WDFY1: variants seen among roughly 807,000 people sequenced by gnomAD.
The protein encoded by WDFY1 is WD repeat and FYVE domain-containing protein 1.
In WDFY1, 32 loss-of-function variants were observed where a neutral mutation model predicts 56.4. That is an observed-to-expected ratio of 0.57 (90% CI 0.43 to 0.76). The LOEUF (loss-of-function observed/expected upper bound fraction) is 0.76. Among genes scored for constraint, WDFY1 ranks in the 30% least tolerant of loss-of-function variants. WDFY1 has a pLI of 0.00. For synonymous variants in WDFY1, 192 were observed against 197.3 expected (o/e 0.97, Z 0.23); for missense variants, 480 against 545.7 (o/e 0.88, Z 1.20).
chr2:223,895,500 G>T lies in WDFY1; in HGVS notation c.725+4C>A. On this transcript the variant is annotated splice_donor_region_variant and intron_variant, in intron 7 of 11. Coordinates refer to ENST00000233055, the MANE Select transcript of WDFY1 (RefSeq NM_020830.5). ...TTTCCCCACCCCCACAAGTGGTCAC[G>T]CACTGATGGCCCTGAAGTAACAGCG... 2 of 1,613,734 alleles carry T rather than the reference G, an allele frequency of 1.2e-6. No homozygotes were observed. The highest frequency in any genetic ancestry group is 1.7e-6 in the Non-Finnish European group (2 of 1,179,790).
rs558689606 is a variant in WDFY1 at position 223,921,047 on chromosome 2, G to A, written c.138-3037C>T. 2.6e-5 allele frequency among the ~76,000 whole-genome samples: 4 copies of A among 152,218 alleles called. No homozygotes were observed. In the East Asian group the frequency reaches 5.8e-4, roughly 22 times the overall value. ...ACAATCAGAATAGTGGTTGCTTCTG[G>A]GGTAAGAGGAGGACTGAATGCAATC... On this transcript the variant is annotated intron_variant, in intron 1 of 11. Coordinates refer to ENST00000233055, the MANE Select transcript of WDFY1 (RefSeq NM_020830.5).
At chr2:223,883,732 G>A (rs11891321) in intron 9 of WDFY1, among the ~76,000 whole-genome samples, 5,302 of 152,164 alleles carry the variant, frequency 0.035, 270 homozygotes, top group African/African-American at 0.12. Flanking sequence ...CGCAACCTCC[G>A]CTTCCTGGGT....
rs188928188 is a variant in WDFY1 at position 223,939,679 on chromosome 2, G to A, written c.137+5469C>T. ...TCTCCTGAGACTTACTCACTGCCAC[G>A]AGAACAGTATGGGGGAAACTGCCCT... is the stretch of plus-strand genomic sequence containing the variant. On this transcript the variant is annotated intron_variant, in intron 1 of 11. Coordinates refer to ENST00000233055, the MANE Select transcript of WDFY1 (RefSeq NM_020830.5). Among the ~76,000 whole-genome samples the A allele has an allele frequency of 9.2e-5, 14 of 152,242 alleles. No homozygotes were observed. In the South Asian group the frequency reaches 2.1e-3, roughly 23 times the overall value.
At chr2:223,917,452 T>C (rs1350888004) in intron 2 of WDFY1, among the ~76,000 whole-genome samples, 1 of 152,206 alleles carries the variant, frequency 6.6e-6, no homozygotes, top group Admixed American at 6.5e-5. Flanking sequence ...AGCCAGAGAC[T>C]CAACTTCCTT....
At chr2:223,912,421 T>C (rs1275718275) in intron 2 of WDFY1, 95 bp from the exon 3 acceptor site, 4 of 964,244 alleles carry the variant, frequency 4.1e-6, no homozygotes, top group Non-Finnish European at 4.4e-6. Flanking sequence ...AACTATATAA[T>C]TTAGGTTCAC....
intron 10 of WDFY1, among the ~76,000 whole-genome samples, chr2:223,880,889 T>C (rs1002994957): frequency 4.6e-5 from 7 of 152,154 alleles, no homozygotes; most frequent in Admixed American, 1.3e-4. Context: ...GAGCTGCCGT[T>C]TTCCCTGAAA....
intron 9 of WDFY1, 58 bp downstream of exon 9, chr2:223,884,590 G>C (rs1288830447): frequency 6.6e-7 from 1 of 1,513,132 alleles, no homozygotes; most frequent in African/African-American, 1.4e-5. Context: ...CCCAGATTAA[G>C]TATGCAAATA....
At chr2:223,881,833 C>T in intron 10 of WDFY1, 109 bp downstream of exon 10, 21 of 1,428,796 alleles carry the variant, frequency 1.5e-5, no homozygotes, top group Non-Finnish European at 1.9e-5. Context: ...TCAGGAGAAA[C>T]AAACACATGG....
intron 1 of WDFY1, among the ~76,000 whole-genome samples, chr2:223,938,709 T>A (rs1401762304): frequency 2.0e-5 from 3 of 152,170 alleles, no homozygotes; most frequent in South Asian, 2.1e-4. Context: ...ATATTCCACA[T>A]TGGCTTAATA....
chr2:223,887,762 T>TTAAA (rs567149256), intron 8 of WDFY1, among the ~76,000 whole-genome samples: 30 of 152,150 alleles, frequency 2.0e-4, no homozygotes, highest in Non-Finnish European at 3.2e-4. Flanking sequence ...TTTTCTTGAG[T>TTAAA]TAAAATTTGG....
chr2:223,911,922 T>C (rs537785207), intron 3 of WDFY1, among the ~76,000 whole-genome samples: 6 of 151,848 alleles, frequency 4.0e-5, no homozygotes, highest in Admixed American at 3.9e-4. Flanking sequence ...GCTCAAGCCA[T>C]CCTCCCACCT....
chr2:223,913,474 T>C (rs1574771904), intron 2 of WDFY1, among the ~76,000 whole-genome samples: 3 of 152,294 alleles, frequency 2.0e-5, no homozygotes, highest in Admixed American at 2.0e-4. Flanking sequence ...TAGAATTGAC[T>C]ATGAGCCTGT....
chr2:223,901,462 G>T, intron 4 of WDFY1, 129 bp from the exon 5 acceptor site: 1 of 1,110,844 alleles, frequency 9.0e-7, no homozygotes, highest in Non-Finnish European at 1.3e-6. Flanking sequence ...GGAAATGCCT[G>T]TCCTCTGTGA....
At chr2:223,884,401 C>T (rs1308703092) in intron 9 of WDFY1, among the ~76,000 whole-genome samples, 2 of 152,198 alleles carry the variant, frequency 1.3e-5, no homozygotes, top group South Asian at 2.1e-4. Context: ...TAAAAATAGG[C>T]TCTCAGGATT....
intron 1 of WDFY1, among the ~76,000 whole-genome samples, chr2:223,944,501 G>A (rs925574591): frequency 1.3e-5 from 2 of 150,966 alleles, no homozygotes; most frequent in African/African-American, 4.9e-5. Flanking sequence ...AGCGCGGTGA[G>A]ACAGAGTTCC....
intron 1 of WDFY1, 45 bp downstream of exon 1, chr2:223,945,103 C>G (rs759309493): frequency 1.3e-5 from 20 of 1,542,460 alleles, no homozygotes; most frequent in South Asian, 4.7e-5. Context: ...CCCCACACCC[C>G]GTCGTCGCGG....
At chr2:223,890,373 G>C (rs919027094) in intron 8 of WDFY1, among the ~76,000 whole-genome samples, 5 of 152,160 alleles carry the variant, frequency 3.3e-5, no homozygotes, top group Non-Finnish European at 4.4e-5. Context: ...TCAGGTGACC[G>C]AGGCACGAGA....
At position 223,878,178 on chromosome 2, in the gene WDFY1, G is replaced by C. The variant is rs1243487721; in HGVS notation, c.*493C>G. The C allele has an allele frequency of 6.5e-6, 1 of 152,812 alleles. No homozygotes were observed. The highest frequency in any genetic ancestry group is 1.5e-5 in the Non-Finnish European group (1 of 68,598). The allele number at this position is 152,812 out of a possible 1,614,324, so 9.5% of individuals were successfully genotyped here. A position where few individuals can be genotyped will look rare whatever the true frequency, so the allele number is the denominator to read the frequency against. ...ATATTCACATACTGCCAAGTCATAG[G>C]GAAAGGTCTCTGGTTTCGTAAGTTC... On this transcript the variant is annotated 3_prime_UTR_variant, in exon 12 of 12. Transcript: ENST00000233055.
intron 8 of WDFY1, among the ~76,000 whole-genome samples, chr2:223,886,152 A>T (rs1395643053): frequency 6.7e-6 from 1 of 150,358 alleles, no homozygotes; most frequent in African/African-American, 2.4e-5. Flanking sequence ...AAGCCTGGCC[A>T]ACACGGTGAA....
Sources: gnomAD v4.1 joint callset for allele counts (sites outside exome capture counted in the v4.1 genomes callset) on GRCh38, gnomAD v4.1.1 for gene constraint, MANE v1.5 for transcripts, NCBI Gene and HGNC (gene_info 2026-07-23, HGNC 2026-07-21) for gene names.